IL16: variants seen among roughly 807,000 people sequenced by gnomAD.
The protein encoded by IL16 is interleukin 16.
In IL16, 67 loss-of-function variants were observed where a neutral mutation model predicts 110.1. That is an observed-to-expected ratio of 0.61 (90% confidence interval 0.50 to 0.75). IL16 has a LOEUF of 0.75. IL16 is among the 30% of genes least tolerant of loss of function. The probability of loss-of-function intolerance (pLI) is 0.00; values close to 1 mark genes in which losing one functional copy is unlikely to be tolerated. For synonymous variants in IL16, 689 were observed against 662.9 expected (o/e 1.04, Z -0.61); for missense variants, 1,545 against 1,655.0 (o/e 0.93, Z 1.15).
upstream of IL16, among the ~76,000 whole-genome samples, chr15:81,192,811 G>A (rs564958727): frequency 4.6e-5 from 7 of 152,228 alleles, no homozygotes; most frequent in Admixed American, 2.6e-4. Context: ...GGAGGGTGGC[G>A]GCAGTGAAGA....
At chr15:81,253,790 T>C (rs2142157919) in intron 2 of IL16, among the ~76,000 whole-genome samples, 1 of 152,350 alleles carries the variant, frequency 6.6e-6, no homozygotes, top group South Asian at 2.1e-4. Context: ...TATCCTGAGC[T>C]ATGCCATTGG....
chr15:81,275,143 T>TGGA lies in IL16; in HGVS notation c.790+1952_790+1954dup, dbSNP rs773843313. ...TTGCCTTATATAGAGTAAGAGGCAC[T>TGGA]GGAGGAGGAGGAGGAAAAGGAAGGC... On this transcript the variant is annotated intron_variant, in intron 6 of 18. Transcript: ENST00000683961. Among the ~76,000 whole-genome samples the TGGA allele has an allele frequency of 4.6e-5, 7 of 150,826 alleles. 1 individual carries two copies. In the South Asian group the frequency reaches 1.1e-3, roughly 23 times the overall value.
At chr15:81,258,539 A>G (rs1898029646) in intron 2 of IL16, among the ~76,000 whole-genome samples, 1 of 152,098 alleles carries the variant, frequency 6.6e-6, no homozygotes, top group African/African-American at 2.4e-5. Flanking sequence ...CGTCTCTACA[A>G]AAAATACATA....
At chr15:81,193,457 G>A (rs190810916), upstream of IL16, among the ~76,000 whole-genome samples, 14 of 152,220 alleles carry the variant, frequency 9.2e-5, no homozygotes, top group African/African-American at 1.9e-4. Context: ...TGGCATGTGC[G>A]TGGTATATTT....
intron 1 of IL16, among the ~76,000 whole-genome samples, chr15:81,209,917 G>C (rs1388336588): frequency 6.6e-6 from 1 of 152,178 alleles, no homozygotes; most frequent in Non-Finnish European, 1.5e-5. Context: ...TGCTTTTGGG[G>C]ACTTGGCCAA....
intron 5 of IL16, 105 bp downstream of exon 5, chr15:81,269,753 G>A: frequency 3.9e-6 from 3 of 776,360 alleles, no homozygotes; most frequent in Non-Finnish European, 6.7e-6. Context: ...GGGGTGTCCT[G>A]GCGCATCAGA....
intron 12 of IL16, among the ~76,000 whole-genome samples, chr15:81,294,070 G>T (rs768956071): frequency 4.6e-5 from 7 of 152,240 alleles, no homozygotes; most frequent in Non-Finnish European, 8.8e-5. Flanking sequence ...CCGTGGGCAG[G>T]TGGGAGGGGG....
rs1900204137 is a variant in IL16, at chr15:81,300,177, G to C, written c.2851G>C (p.Glu951Gln). Residue 951 changes from glutamate (E) to glutamine (Q), a missense_variant, in exon 14 of 19, where the codon GAA becomes CAA. Transcript: ENST00000683961. ...AAGGCTGCTGTCAACACAGGCTGAG[G>C]AATCTCAAGGCCCAGTGCTCAAGAT... ...LLRLLSTQAE[E>Q]SQGPVLKMPS... is the part of the protein sequence containing the mutation. 7 of 1,614,154 alleles carry C rather than the reference G, an allele frequency of 4.3e-6. No individual in the cohort carries two copies. The highest frequency in any genetic ancestry group is 5.1e-6 in the Non-Finnish European group (6 of 1,180,034).
chr15:81,304,807 C>T (rs1299697858), intron 16 of IL16, among the ~76,000 whole-genome samples: 1 of 152,140 alleles, frequency 6.6e-6, no homozygotes, highest in Non-Finnish European at 1.5e-5. Context: ...AACCATGTAA[C>T]AGAATTTTTC....
intron 1 of IL16, among the ~76,000 whole-genome samples, chr15:81,198,955 G>A (rs911270399): frequency 6.7e-6 from 1 of 148,422 alleles, no homozygotes; most frequent in Non-Finnish European, 1.5e-5. Flanking sequence ...GGGAGGCGGA[G>A]ACTGCAGTGA....
At chr15:81,258,705 C>T (rs556087502) in intron 2 of IL16, among the ~76,000 whole-genome samples, 32 of 152,040 alleles carry the variant, frequency 2.1e-4, no homozygotes, top group Admixed American at 1.6e-3. Flanking sequence ...TCCTGACCTG[C>T]TCTCTCTCTG....
At chr15:81,190,186 A>G (rs775112482) in intron 1 of IL16, among the ~76,000 whole-genome samples, 1 of 152,064 alleles carries the variant, frequency 6.6e-6, no homozygotes, top group African/African-American at 2.4e-5. Context: ...GAGTGGAAAC[A>G]TTCTCCCCCT....
intron 2 of IL16, among the ~76,000 whole-genome samples, chr15:81,233,669 C>G (rs1349247689): frequency 6.6e-6 from 1 of 151,724 alleles, no homozygotes; most frequent in African/African-American, 2.4e-5. Flanking sequence ...ATATATATAT[C>G]TGTATATACA....
At chr15:81,250,731 G>C (rs1170236151) in intron 2 of IL16, among the ~76,000 whole-genome samples, 1 of 152,204 alleles carries the variant, frequency 6.6e-6, no homozygotes, top group African/African-American at 2.4e-5. Context: ...GCCAACTCTT[G>C]AAAAGGCCAT....
chr15:81,295,292 T>C, intron 12 of IL16: 3 of 984,610 alleles, frequency 3.0e-6, no homozygotes, highest in African/African-American at 3.4e-5. Flanking sequence ...CAGGAAACAC[T>C]AGTAAGAGAA....
chr15:81,289,830 G>A, intron 10 of IL16: 4 of 404,542 alleles, frequency 9.9e-6, no homozygotes, highest in South Asian at 3.6e-5. Context: ...CTGTACTTTT[G>A]ATGTCAAATA....
At position 81,296,776 on chromosome 15, in the gene IL16, G is replaced by A. The variant is rs1596046816; in HGVS notation, c.1903-152G>A. 13 of 678,174 alleles carry A rather than the reference G, an allele frequency of 1.9e-5. No homozygotes were observed. In the East Asian group the frequency reaches 3.4e-4, roughly 18 times the overall value. 42.0% of individuals were successfully genotyped at this position (678,174 alleles called of 1,614,324 possible). ...GCTGGCTCTGCCACGTCAGCACCAAGGAGAAAAGAATCCTCTTTACATGGC... is the reference window on the plus strand; with the variant it reads ...GCTGGCTCTGCCACGTCAGCACCAAAGAGAAAAGAATCCTCTTTACATGGC... On this transcript the variant is annotated intron_variant, in intron 12 of 18. Coordinates refer to ENST00000683961, the MANE Select transcript of IL16 (RefSeq NM_172217.5).
At chr15:81,213,386 T>C (rs1179977101) in intron 1 of IL16, among the ~76,000 whole-genome samples, 1 of 152,226 alleles carries the variant, frequency 6.6e-6, no homozygotes, top group African/African-American at 2.4e-5. Context: ...TGGAGTTCTA[T>C]AGATGTCTAG....
At chr15:81,219,473 T>G (rs1275461905) in intron 1 of IL16, among the ~76,000 whole-genome samples, 1 of 152,038 alleles carries the variant, frequency 6.6e-6, no homozygotes, top group Non-Finnish European at 1.5e-5. Flanking sequence ...TAATATATAC[T>G]GATTGGGAAA....
Sources: allele counts gnomAD v4.1 joint callset (sites outside exome capture counted in the v4.1 genomes callset), GRCh38; gene constraint gnomAD v4.1.1; transcripts MANE v1.5; gene names NCBI Gene and HGNC (gene_info 2026-07-23, HGNC 2026-07-21).